ZNF750: variants seen among roughly 807,000 people sequenced by gnomAD.
ZNF750 encodes the protein protein ZNF750.
A neutral mutation model predicts 31.6 loss-of-function variants in ZNF750; 10 were observed. The ratio of observed to expected loss-of-function variants is 0.32; its 90% CI spans 0.19 to 0.54. The LOEUF (loss-of-function observed/expected upper bound fraction) is 0.54. Ranked by LOEUF, ZNF750 falls within the 20% of genes least tolerant of loss-of-function variation. The pLI is 0.95. For synonymous variants in ZNF750, 400 were observed against 404.9 expected, an observed-to-expected ratio of 0.99 and a Z score of 0.15; for missense variants, 914 against 934.9, an observed-to-expected ratio of 0.98 and a Z score of 0.29.
chr17:82,832,493 C>T lies in ZNF750; in HGVS notation c.-39G>A, dbSNP rs761230397. ...CCTTGGACTCTGGCTGTCCAGGTGG[C>T]GTGATCACTGTCGACGCCGCGTGCA... On this transcript the variant is annotated 5_prime_UTR_variant, in exon 2 of 3. Transcript: ENST00000269394. The surrounding 1 kb of genome is among the most constrained non-coding windows in gnomAD (Gnocchi z 4.9). The T allele has an allele frequency of 1.5e-5, 23 of 1,583,254 alleles. No homozygotes were observed. In the Middle Eastern group the frequency reaches 8.3e-4, roughly 57 times the overall value.
In ZNF750 at chr17:82,832,126, T is replaced by C; in HGVS notation, c.329A>G (p.Asp110Gly). ...SKLQHSSARE[D>G]IKENLELQAR... ...TTGCAGCTCCAGGTTTTCCTTGATG[T>C]CTTCCCTGGCAGAGCTGTGCTGAAG... is the stretch of plus-strand genomic sequence containing the variant. The change falls in exon 2 of 3, where the codon GAC becomes GGC. Residue 110 changes from aspartate to glycine, a missense_variant. By Grantham distance (94) the Asp-to-Gly change is moderately conservative. Around this residue, in one of 2 missense-constraint regions of ZNF750, gnomAD observed 880 missense variants for 868.9 expected, o/e 1.01. Coordinates refer to ENST00000269394, the MANE Select transcript of ZNF750 (RefSeq NM_024702.3). The surrounding 1 kb of genome is among the most constrained non-coding windows in gnomAD (Gnocchi z 4.9). The C allele has an allele frequency of 6.2e-7, 1 of 1,614,196 alleles. No homozygotes were observed. The highest frequency in any genetic ancestry group is 8.5e-7 in the Non-Finnish European group (1 of 1,180,020).
rs778171782 is a variant in ZNF750, at chr17:82,831,554, T to C, written c.901A>G (p.Thr301Ala). ...TGGAAAAACCTGTAGTGATCGTATG[T>C]GGCTGGAGATGGAGCCAGGTGCTTA... ...IPKHLAPSPA[T>A]YDHYRFFQQY... Residue 301 changes from threonine (T) to alanine (A), a missense_variant, in exon 2 of 3, where the codon ACA (threonine) becomes GCA (alanine). Thr to Ala is a moderately conservative substitution (Grantham distance 58). This residue lies in a region of ZNF750 where 880 missense variants were observed against 868.9 expected (regional missense o/e 1.01). Coordinates refer to ENST00000269394, the MANE Select transcript of ZNF750 (RefSeq NM_024702.3). This position sits in a 1 kb window ranked among gnomAD's most constrained non-coding sequence, Gnocchi z 4.6. 1 of 1,614,116 alleles carries C rather than the reference T, an allele frequency of 6.2e-7. No individual in the cohort carries two copies. The highest frequency in any genetic ancestry group is 1.7e-5 in the Admixed American group (1 of 60,022).
In ZNF750 at chr17:82,832,574, A is replaced by G. The variant is rs1348562827; in HGVS notation, c.-120T>C. ...TTTGCTTTCTTTCCCGATCACTTCT[A>G]TCAGAAGCCAGCTCTGCGTGCTGAG... is the stretch of plus-strand genomic sequence containing the variant. On this transcript the variant is annotated 5_prime_UTR_variant, in exon 2 of 3. Coordinates refer to ENST00000269394, the MANE Select transcript of ZNF750 (RefSeq NM_024702.3). The surrounding 1 kb of genome is among the most constrained non-coding windows in gnomAD (Gnocchi z 4.9). 1.3e-5 allele frequency: 11 copies of G among 863,478 alleles called. No homozygotes were observed. Among genetic ancestry groups the G allele is most frequent in the South Asian group, 5.7e-5 (4 of 70,462 alleles). The allele number at this position is 863,478 out of a possible 1,614,324, so 53.5% of individuals were successfully genotyped here.
At chr17:82,834,201 G>A (rs1489410848) in intron 1 of ZNF750, among the ~76,000 whole-genome samples, 4 of 152,130 alleles carry the variant, frequency 2.6e-5, no homozygotes, top group Non-Finnish European at 4.4e-5. Flanking sequence ...ACCTGCCTTA[G>A]CCTCCCAAAG....
intron 1 of ZNF750, chr17:82,838,661 T>G (rs908938560): frequency 1.0e-6 from 1 of 985,354 alleles, no homozygotes; most frequent in African/African-American, 1.7e-5. Context: ...AGTGATTGAC[T>G]GCCACTCCCT....
rs769463217 is a variant in ZNF750, at chr17:82,835,465, C to T, written c.-182-2829G>A. On this transcript the variant is annotated intron_variant, in intron 1 of 2. Transcript: ENST00000269394. This position sits in a 1 kb window ranked among gnomAD's most constrained non-coding sequence, Gnocchi z 4.5. ...GAGACGGAGTTTTGGTCTTGTTGCC[C>T]AGGCTGGAGGGCAGTGGTGCGATCT... Among the ~76,000 whole-genome samples, 40 of 152,092 alleles carry T rather than the reference C, an allele frequency of 2.6e-4. No individual in the cohort carries two copies. The highest frequency in any genetic ancestry group is 1.2e-4 in the Non-Finnish European group (8 of 68,008).
chr17:82,830,566 TGTGGAA>T lies in ZNF750; in HGVS notation c.1742_1747del (p.Val581_Gln583delinsGlu). On this transcript the variant is annotated inframe_deletion, in exon 3 of 3. Coordinates refer to ENST00000269394, the MANE Select transcript of ZNF750 (RefSeq NM_024702.3). ...CTCAGAACCTTCTGTCCCAGTCTTCTGTGGAACAGCAGCAGCAGGTTCTGCAGCTCG... is the reference window on the plus strand; with the variant it reads ...CTCAGAACCTTCTGTCCCAGTCTTCTCAGCAGCAGCAGGTTCTGCAGCTCG... 6.2e-7 allele frequency: 1 copy of T among 1,614,094 alleles called. No homozygotes were observed.
chr17:82,839,350 C>T (rs2054262991), intron 1 of ZNF750, among the ~76,000 whole-genome samples: 1 of 151,494 alleles, frequency 6.6e-6, no homozygotes. Context: ...ATACCACACA[C>T]ACATATATAT....
intron 2 of ZNF750, 59 bp downstream of exon 2, chr17:82,830,960 G>A (rs1018825308): frequency 6.2e-7 from 1 of 1,613,348 alleles, no homozygotes; most frequent in Non-Finnish European, 8.5e-7. Flanking sequence ...TATAAGCCTG[G>A]CTCATGGAAC....
In ZNF750 at chr17:82,833,573, AC is replaced by A. The variant is rs2053699380; in HGVS notation, c.-182-938del. Among the ~76,000 whole-genome samples the A allele has an allele frequency of 6.6e-6, 1 of 152,216 alleles. No individual in the cohort carries two copies. Among genetic ancestry groups the A allele is most frequent in the Non-Finnish European group, 1.5e-5 (1 of 68,034 alleles). On this transcript the variant is annotated intron_variant, in intron 1 of 2. Transcript: ENST00000269394. This position sits in a 1 kb window ranked among gnomAD's most constrained non-coding sequence, Gnocchi z 4.7. ...CTGTGAGTGACAGCAGCATTGTGAG[AC>A]ATGCTTTCACGGTCACCCGGTTCCT...
chr17:82,831,882 G>A lies in ZNF750; in HGVS notation c.573C>T (p.Ala191=), dbSNP rs753964912. The stretch of plus-strand genomic sequence containing the variant: ...AGGCCGACTTGGTGTGGAAAGACAC[G>A]GCCTTGGCAGTGGGGTTGTGTAAAG... ...TLALHNPTAK[A]VSFHTKSAFH... The change falls in exon 2 of 3, where the codon GCC becomes GCT. Residue 191 remains alanine, a synonymous_variant. Coordinates refer to ENST00000269394, the MANE Select transcript of ZNF750 (RefSeq NM_024702.3). The surrounding 1 kb of genome is among the most constrained non-coding windows in gnomAD (Gnocchi z 4.6). 9 of 1,614,080 alleles carry A rather than the reference G, an allele frequency of 5.6e-6. 1 individual carries two copies. The highest frequency in any genetic ancestry group is 4.0e-5 in the African/African-American group (3 of 74,928).
In ZNF750 at chr17:82,833,384, G is replaced by A. The variant is rs1478684062; in HGVS notation, c.-182-748C>T. Reference sequence around the variant, plus strand: ...AGCCACGTCGTTGGTGTATTCTAGTGTGCTTGTTTAAAAATGAAGAACATT... The same window carrying A: ...AGCCACGTCGTTGGTGTATTCTAGTATGCTTGTTTAAAAATGAAGAACATT... On this transcript the variant is annotated intron_variant, in intron 1 of 2. Coordinates refer to ENST00000269394, the MANE Select transcript of ZNF750 (RefSeq NM_024702.3). This position sits in a 1 kb window ranked among gnomAD's most constrained non-coding sequence, Gnocchi z 4.7. Among the ~76,000 whole-genome samples the A allele has an allele frequency of 2.6e-5, 4 of 152,134 alleles. No individual in the cohort carries two copies. The highest frequency in any genetic ancestry group is 4.8e-5 in the African/African-American group (2 of 41,430).
At chr17:82,836,336 G>C (rs918566770) in intron 1 of ZNF750, among the ~76,000 whole-genome samples, 1 of 152,238 alleles carries the variant, frequency 6.6e-6, no homozygotes, top group Non-Finnish European at 1.5e-5. Context: ...TGATTGTATA[G>C]GATGTGTTAC....
In ZNF750 at chr17:82,833,338, G is replaced by C. The variant is rs1167087539; in HGVS notation, c.-182-702C>G. ...CCCTGGGGCCGATCCCTAAGCACTCGTGGCAGTTTCTGCCCACTTTAGCCA... is the reference window on the plus strand; with the variant it reads ...CCCTGGGGCCGATCCCTAAGCACTCCTGGCAGTTTCTGCCCACTTTAGCCA... On this transcript the variant is annotated intron_variant, in intron 1 of 2. Coordinates refer to ENST00000269394, the MANE Select transcript of ZNF750 (RefSeq NM_024702.3). This position sits in a 1 kb window ranked among gnomAD's most constrained non-coding sequence, Gnocchi z 4.7. Among the ~76,000 whole-genome samples, 1 of 152,102 alleles carries C rather than the reference G, an allele frequency of 6.6e-6. No homozygotes were observed. The highest frequency in any genetic ancestry group is 1.5e-5 in the Non-Finnish European group (1 of 68,034).
chr17:82,838,393 C>A (rs1448339415), intron 1 of ZNF750, among the ~76,000 whole-genome samples: 1 of 151,744 alleles, frequency 6.6e-6, no homozygotes, highest in African/African-American at 2.4e-5. Flanking sequence ...CTTTATGGGA[C>A]GTTTCTGTGA....
rs761246083 is a variant in ZNF750, at chr17:82,831,375, C to T, written c.1080G>A (p.Ser360=). ...CCGAAGGGTTTAACCTGGAAGGACTCGAGGCTGGATAGACCAGGGTGGCTT... is the reference window on the plus strand; with the variant it reads ...CCGAAGGGTTTAACCTGGAAGGACTTGAGGCTGGATAGACCAGGGTGGCTT... ...LEEATLVYPA[S]SPSRLNPSDP... The change falls in exon 2 of 3, where the codon TCG becomes TCA. Residue 360 remains serine (S), a synonymous_variant. Transcript: ENST00000269394. This position sits in a 1 kb window ranked among gnomAD's most constrained non-coding sequence, Gnocchi z 4.6. 7 of 1,613,792 alleles carry T rather than the reference C, an allele frequency of 4.3e-6. No individual in the cohort carries two copies. The highest frequency in any genetic ancestry group is 3.3e-5 in the South Asian group (3 of 91,060).
At chr17:82,837,665 T>TC (rs945929141) in intron 1 of ZNF750, among the ~76,000 whole-genome samples, 3 of 152,180 alleles carry the variant, frequency 2.0e-5, no homozygotes, top group Admixed American at 2.0e-4. Context: ...TTCATCCTCC[T>TC]CTCATTTCCC....
At position 82,839,932 on chromosome 17, in the gene ZNF750, G is replaced by C. The variant is rs1876691125; in HGVS notation, c.-188C>G. ...AAGAAATAGTGAGTACTTACCAGAG[G>C]TGGGCAGTGCTGGGATGTGGCCGGT... On this transcript the variant is annotated 5_prime_UTR_variant, in exon 1 of 3. Transcript: ENST00000269394. The C allele has an allele frequency of 2.0e-5, 3 of 152,610 alleles. No individual in the cohort carries two copies. The South Asian group carries it at 6.2e-4, about 32-fold the overall frequency. 9.5% of individuals were successfully genotyped at this position (152,610 alleles called of 1,614,324 possible).
rs941973414 is a variant in ZNF750, at chr17:82,831,052, T to C, written c.1403A>G (p.Gln468Arg). Reference sequence around the variant, plus strand: ...AGACTCTGCTGTGGTCTCAGCAGCCTGGGCAGGTAGGCATTCTGTGCTTTT... The same window carrying C: ...AGACTCTGCTGTGGTCTCAGCAGCCCGGGCAGGTAGGCATTCTGTGCTTTT... ...VKKSTECLPAQAAETTAESPV... is the reference protein window; with the variant it reads ...VKKSTECLPARAAETTAESPV... Residue 468 changes from glutamine (Q) to arginine (R), a missense_variant, in exon 2 of 3, where the codon CAG (glutamine) becomes CGG (arginine). By Grantham distance (43) the Gln-to-Arg change is conservative. Coordinates refer to ENST00000269394, the MANE Select transcript of ZNF750 (RefSeq NM_024702.3). The surrounding 1 kb of genome is among the most constrained non-coding windows in gnomAD (Gnocchi z 4.6). 9 of 1,614,062 alleles carry C rather than the reference T, an allele frequency of 5.6e-6. No individual in the cohort carries two copies. In the Admixed American group the frequency reaches 6.7e-5, roughly 12 times the overall value.
Sources: allele counts gnomAD v4.1 joint callset (sites outside exome capture counted in the v4.1 genomes callset), GRCh38; gene constraint gnomAD v4.1.1; regional missense constraint gnomAD v4.1.1; non-coding constraint Gnocchi (gnomAD v3.1); transcripts MANE v1.5; gene names NCBI Gene and HGNC (gene_info 2026-07-23, HGNC 2026-07-21).